SYCP1: variants seen among roughly 807,000 people sequenced by gnomAD.
SYCP1 encodes cancer/testis antigen 8.
A neutral mutation model predicts 153.1 loss-of-function variants in SYCP1; 64 were observed. The observed-to-expected ratio is 0.42, with a 90% CI of 0.34 to 0.51. The LOEUF (loss-of-function observed/expected upper bound fraction) is 0.51, where lower values mean the gene tolerates loss of function less well. Among genes scored for constraint, SYCP1 ranks in the 20% least tolerant of loss-of-function variants. The pLI is 0.06. For synonymous variants in SYCP1, 384 were observed against 341.8 expected (o/e 1.12, Z -1.36); for missense variants, 997 against 1,049.0 (o/e 0.95, Z 0.68).
intron 19 of SYCP1, 47 bp downstream of exon 19, chr1:114,913,197 G>A (rs1668297660): frequency 8.1e-6 from 12 of 1,484,772 alleles, no homozygotes; most frequent in Non-Finnish European, 1.1e-5. Flanking sequence ...CTTCCAATTA[G>A]CAGGTTAGAA....
At chr1:114,892,678 G>A (rs534709152) in intron 15 of SYCP1, among the ~76,000 whole-genome samples, 1 of 152,074 alleles carries the variant, frequency 6.6e-6, no homozygotes. Flanking sequence ...CTGCAGGAGC[G>A]GGAGCCTTTT....
intron 27 of SYCP1, among the ~76,000 whole-genome samples, chr1:114,966,435 T>C (rs77509205): frequency 0.2 from 30,109 of 152,098 alleles, 3,473 homozygotes; most frequent in Non-Finnish European, 0.26. Flanking sequence ...AATTGTGATG[T>C]TAGGGTATTG....
intron 8 of SYCP1, 83 bp from the exon 9 acceptor site, chr1:114,874,423 A>G (rs1421593372): frequency 2.6e-6 from 2 of 783,034 alleles, no homozygotes; most frequent in Non-Finnish European, 4.2e-6. Context: ...AAATATTTTA[A>G]TGTTTTCTGG....
At chr1:114,945,479 A>G (rs1224051501) in intron 25 of SYCP1, among the ~76,000 whole-genome samples, 1 of 151,944 alleles carries the variant, frequency 6.6e-6, no homozygotes, top group African/African-American at 2.4e-5. Context: ...TTTGGAGAAG[A>G]GGTAGGGTAT....
chr1:114,935,638 A>C (rs1441017952), intron 23 of SYCP1, among the ~76,000 whole-genome samples: 1 of 152,224 alleles, frequency 6.6e-6, no homozygotes, highest in Non-Finnish European at 1.5e-5. Context: ...AAAGATCAAC[A>C]AAATTGACAG....
chr1:114,856,921 CAAAAAAAAAAAA>C (rs758650224), intron 3 of SYCP1, among the ~76,000 whole-genome samples: 1 of 37,294 alleles, frequency 2.7e-5, no homozygotes, highest in Non-Finnish European at 4.7e-5. Flanking sequence ...CCTGTCTGTA[CAAAAAAAAAAAA>C]AAAAAAAAAA....
intron 27 of SYCP1, among the ~76,000 whole-genome samples, chr1:114,947,806 C>T (rs1368881541): frequency 6.2e-5 from 5 of 80,630 alleles, no homozygotes; most frequent in South Asian, 5.6e-4. Context: ...AGCGAGACTC[C>T]GTCTCAAAAA....
intron 27 of SYCP1, among the ~76,000 whole-genome samples, chr1:114,949,502 C>T (rs576442102): frequency 6.6e-6 from 1 of 152,250 alleles, no homozygotes; most frequent in East Asian, 1.9e-4. Flanking sequence ...GCCTAGTCAG[C>T]TAAGTTAGGA....
chr1:114,967,126 G>A (rs143767842), intron 27 of SYCP1, among the ~76,000 whole-genome samples: 4,766 of 152,266 alleles, frequency 0.031, 123 homozygotes, highest in Non-Finnish European at 0.042. Context: ...AGTGCTATGC[G>A]GTGCTGAGAA....
chr1:114,860,946 A>G (rs1664331284), intron 8 of SYCP1, 137 bp downstream of exon 8: 12 of 609,672 alleles, frequency 2.0e-5, no homozygotes, highest in Non-Finnish European at 2.8e-5. Flanking sequence ...CTATTTTTAT[A>G]TAAGTAATAA....
rs773603124 is a variant in SYCP1 at position 114,910,499 on chromosome 1, G to A, written c.1423G>A (p.Glu475Lys). 6.5e-7 allele frequency: 1 copy of A among 1,547,282 alleles called. No individual in the cohort carries two copies. The highest frequency in any genetic ancestry group is 8.7e-7 in the Non-Finnish European group (1 of 1,149,368). The change falls in exon 17 of 32, where the codon GAG becomes AAG. Residue 475 changes from glutamate (E) to lysine (K), a missense_variant and splice_region_variant. Coordinates refer to ENST00000369522, the MANE Select transcript of SYCP1 (RefSeq NM_003176.4). ...ACTAATTGGTCTTCTCCAAGCCAGA[G>A]AGGTTTGTTTAAGGAAACATTTTTA... ...QELIGLLQAR[E>K]KEVHDLEIQL...
intron 30 of SYCP1, among the ~76,000 whole-genome samples, chr1:114,991,015 A>G (rs545973771): frequency 5.3e-4 from 81 of 152,062 alleles, no homozygotes; most frequent in African/African-American, 1.9e-3. Context: ...TCCCTTGCAT[A>G]CAGATAATAT....
chr1:114,983,505 T>G (rs1403989347), intron 29 of SYCP1, among the ~76,000 whole-genome samples: 1 of 151,960 alleles, frequency 6.6e-6, no homozygotes, highest in East Asian at 1.9e-4. Context: ...TTGCAGAGAC[T>G]CACCAGACAA....
intron 8 of SYCP1, among the ~76,000 whole-genome samples, chr1:114,868,436 T>C (rs1249490445): frequency 2.0e-5 from 3 of 152,204 alleles, no homozygotes; most frequent in African/African-American, 7.2e-5. Context: ...TGTGGGCCAC[T>C]GTGTCAGGCT....
intron 16 of SYCP1, among the ~76,000 whole-genome samples, chr1:114,904,144 T>TTTA: frequency 6.7e-6 from 1 of 149,912 alleles, no homozygotes; most frequent in Non-Finnish European, 1.5e-5. Flanking sequence ...TGAGACGGAG[T>TTTA]CTTGCTCTGT....
intron 20 of SYCP1, among the ~76,000 whole-genome samples, chr1:114,920,081 G>A (rs1460441390): frequency 6.6e-6 from 1 of 151,718 alleles, no homozygotes; most frequent in Non-Finnish European, 1.5e-5. Context: ...TGCATCATTA[G>A]GTTATTTGAC....
intron 20 of SYCP1, among the ~76,000 whole-genome samples, chr1:114,919,882 T>A (rs112669671): frequency 0.015 from 2,306 of 152,068 alleles, 50 homozygotes; most frequent in African/African-American, 0.053. Context: ...TTTATTTTGG[T>A]CTTCTCTCTT....
chr1:114,910,480 T>C lies in SYCP1; in HGVS notation c.1404T>C (p.Ile468=), dbSNP rs1668105726. ...EELKGTEQEL[I]GLLQAREKEV... is the part of the protein sequence containing the mutation. ...TAAAAGGAACAGAACAAGAACTAAT[T>C]GGTCTTCTCCAAGCCAGAGAGGTTT... Residue 468 remains isoleucine, a synonymous_variant, in exon 17 of 32, where the codon ATT becomes ATC. Transcript: ENST00000369522. 22 of 1,589,760 alleles carry C rather than the reference T, an allele frequency of 1.4e-5. No homozygotes were observed. The highest frequency in any genetic ancestry group is 1.9e-5 in the Non-Finnish European group (22 of 1,169,964).
intron 27 of SYCP1, among the ~76,000 whole-genome samples, chr1:114,955,546 A>G (rs963804618): frequency 6.6e-6 from 1 of 152,158 alleles, no homozygotes; most frequent in African/African-American, 2.4e-5. Context: ...GATTTCTGAA[A>G]AGGACTTTTA....
Sources: gnomAD v4.1 joint callset for allele counts (sites outside exome capture counted in the v4.1 genomes callset) on GRCh38, gnomAD v4.1.1 for gene constraint, MANE v1.5 for transcripts, NCBI Gene and HGNC (gene_info 2026-07-23, HGNC 2026-07-21) for gene names.